The following EFNA2 variants were observed in gnomAD, a reference collection of about 807,000 sequenced individuals.
EFNA2 encodes the protein ephrin-A2.
EFNA2 carries 18 observed loss-of-function variants against 19.7 expected under a neutral mutation model. That is an observed-to-expected ratio of 0.91 (90% CI 0.63 to 1.35). EFNA2 has a LOEUF of 1.35. Ranked by LOEUF, EFNA2 falls within the 40% of genes most tolerant of loss-of-function variation. The pLI, the probability that EFNA2 is intolerant of heterozygous loss-of-function variation, is 0.00. For missense variants in EFNA2, 303 were observed against 296.0 expected (o/e 1.02, Z -0.17); for synonymous variants, 187 against 137.8 (o/e 1.36, Z -2.50).
rs1217624498 is a variant in EFNA2 at position 1,286,182 on chromosome 19, A to G, written c.14A>G (p.Gln5Arg). The change falls in exon 1 of 4, where the codon CAG (glutamine) becomes CGG (arginine). Residue 5 changes from glutamine (Q) to arginine (R), a missense_variant. Transcript: ENST00000215368. This position sits in a 1 kb window ranked among gnomAD's most constrained non-coding sequence, Gnocchi z 5.6. MAPA[Q>R]RPLLPLLLLL... ...CGGACCGGGGCCATGGCGCCCGCGC[A>G]GCGCCCGCTGCTCCCGCTGCTGCTC... The G allele has an allele frequency of 3.0e-6, 3 of 1,016,592 alleles. No homozygotes were observed. Among genetic ancestry groups the G allele is most frequent in the Non-Finnish European group, 3.5e-6 (3 of 850,100 alleles). The allele number at this position is 1,016,592 out of a possible 1,614,324, so 63.0% of individuals were successfully genotyped here.
rs1484570055 is a variant in EFNA2, at chr19:1,286,738, G to A, written c.140+430G>A. Among the ~76,000 whole-genome samples, 1 of 152,202 alleles carries A rather than the reference G, an allele frequency of 6.6e-6. No individual in the cohort carries two copies. The highest frequency in any genetic ancestry group is 2.4e-5 in the African/African-American group (1 of 41,452). ...CCGGGGACCTTGGCACCGGAGGTGG[G>A]GGACTGTGGCCCTCGAGGGATCTCT... On this transcript the variant is annotated intron_variant, in intron 1 of 3. Coordinates refer to ENST00000215368, the MANE Select transcript of EFNA2 (RefSeq NM_001405.4). The surrounding 1 kb of genome is among the most constrained non-coding windows in gnomAD (Gnocchi z 5.6).
At chr19:1,291,024 G>C (rs1257615614) in intron 1 of EFNA2, among the ~76,000 whole-genome samples, 3 of 152,142 alleles carry the variant, frequency 2.0e-5, no homozygotes, top group Non-Finnish European at 4.4e-5. Context: ...TGGGTCAGGG[G>C]CCCCCAATTC....
chr19:1,295,646 C>T lies in EFNA2; in HGVS notation c.242C>T (p.Pro81Leu). The change falls in exon 2 of 4, where the codon CCG becomes CTG. Residue 81 changes from proline (P) to leucine (L), a missense_variant. By Grantham distance (98) the Pro-to-Leu change is moderately conservative. Coordinates refer to ENST00000215368, the MANE Select transcript of EFNA2 (RefSeq NM_001405.4). This position sits in a 1 kb window ranked among gnomAD's most constrained non-coding sequence, Gnocchi z 5.8. ...IYCPHYGAPL[P>L]PAERMEHYVL... ...TGCCCGCACTATGGGGCGCCGCTGC[C>T]GCCGGCCGAGCGCATGGAGCACTAC... 6.2e-7 allele frequency: 1 copy of T among 1,611,702 alleles called. No individual in the cohort carries two copies. Among genetic ancestry groups the T allele is most frequent in the Non-Finnish European group, 8.5e-7 (1 of 1,179,438 alleles).
chr19:1,284,843 C>T (rs909599098), upstream of EFNA2, among the ~76,000 whole-genome samples: 1 of 152,224 alleles, frequency 6.6e-6, no homozygotes, highest in Non-Finnish European at 1.5e-5. The surrounding 1 kb of genome is among the most constrained non-coding windows in gnomAD (Gnocchi z 5.3). Flanking sequence ...AATTCAGAGA[C>T]GTACAACACG....
rs984466866 is a variant in EFNA2, at chr19:1,295,953, G to A, written c.454+95G>A. ...GGCGGGACCACTGGGGTGGGGCCGGGGAGTGGGCGGGGCAGCGCAGTGGGC... is the reference window on the plus strand; with the variant it reads ...GGCGGGACCACTGGGGTGGGGCCGGAGAGTGGGCGGGGCAGCGCAGTGGGC... On this transcript the variant is annotated intron_variant, in intron 2 of 3. Coordinates refer to ENST00000215368, the MANE Select transcript of EFNA2 (RefSeq NM_001405.4). The surrounding 1 kb of genome is among the most constrained non-coding windows in gnomAD (Gnocchi z 5.8). The A allele has an allele frequency of 1.0e-5, 13 of 1,259,626 alleles. No individual in the cohort carries two copies. The highest frequency in any genetic ancestry group is 1.7e-5 in the South Asian group (1 of 58,572). The allele number at this position is 1,259,626 out of a possible 1,614,324, so 78.0% of individuals were successfully genotyped here.
At position 1,294,311 on chromosome 19, in the gene EFNA2, C is replaced by T. The variant is rs1435160806; in HGVS notation, c.141-1234C>T. Among the ~76,000 whole-genome samples, 1 of 152,200 alleles carries T rather than the reference C, an allele frequency of 6.6e-6. No homozygotes were observed. Among genetic ancestry groups the T allele is most frequent in the Non-Finnish European group, 1.5e-5 (1 of 68,034 alleles). ...TCTAAGGGCTCCTGCCGCCATCGCC[C>T]GAGGCAGTGAGGGAAGGGGAGCCGC... On this transcript the variant is annotated intron_variant, in intron 1 of 3. Transcript: ENST00000215368. The surrounding 1 kb of genome is among the most constrained non-coding windows in gnomAD (Gnocchi z 5.8).
At chr19:1,298,672 C>T in intron 3 of EFNA2, 56 bp downstream of exon 3, 1 of 1,591,088 alleles carries the variant, frequency 6.3e-7, no homozygotes, top group South Asian at 1.1e-5. Context: ...GTCCTAAACC[C>T]ACAGAACCAG....
Position 1,299,995 on chromosome 19 carries a change from G to A in EFNA2, c.*50G>A, listed in dbSNP as rs779214933. The stretch of plus-strand genomic sequence containing the variant: ...CTGCCTGGACGGCCCCGCCTGGACC[G>A]CCTGACCTCGGCCCTCCGGACCCGG... On this transcript the variant is annotated 3_prime_UTR_variant, in exon 4 of 4. Coordinates refer to ENST00000215368, the MANE Select transcript of EFNA2 (RefSeq NM_001405.4). 5.2e-6 allele frequency: 8 copies of A among 1,551,942 alleles called. No homozygotes were observed. In the Admixed American group the frequency reaches 7.4e-5, roughly 14 times the overall value.
intron 3 of EFNA2, 53 bp from the exon 4 acceptor site, chr19:1,299,771 G>A: frequency 2.6e-6 from 4 of 1,545,456 alleles, no homozygotes; most frequent in South Asian, 2.4e-5. Context: ...GGCACGTGGG[G>A]AGCCCAGTGG....
Position 1,286,257 on chromosome 19 carries a change from C to A in EFNA2, c.89C>A (p.Ala30Asp). Residue 30 changes from alanine (A) to aspartate (D), a missense_variant, in exon 1 of 4, where the codon GCC (alanine) becomes GAC (aspartate). By Grantham distance (126) the Ala-to-Asp change is moderately radical (BLOSUM62 -2). Transcript: ENST00000215368. The surrounding 1 kb of genome is among the most constrained non-coding windows in gnomAD (Gnocchi z 5.6). ...CCCTTCGCGCGCGCCGAGGACGCCG[C>A]CCGCGCCAACTCGGACCGCTACGCC... ...PPPFARAEDAARANSDRYAVY... is the reference protein window; with the variant it reads ...PPPFARAEDADRANSDRYAVY... 8.9e-7 allele frequency: 1 copy of A among 1,127,990 alleles called. No individual in the cohort carries two copies. Among genetic ancestry groups the A allele is most frequent in the Middle Eastern group, 4.0e-4 (1 of 2,512 alleles). The allele number at this position is 1,127,990 out of a possible 1,614,324, so 69.9% of individuals were successfully genotyped here. A position where few individuals can be genotyped will look rare whatever the true frequency, so the allele number is the denominator to read the frequency against.
chr19:1,284,382 A>T (rs574577562), upstream of EFNA2, among the ~76,000 whole-genome samples: 5 of 152,198 alleles, frequency 3.3e-5, no homozygotes, highest in African/African-American at 1.2e-4. The surrounding 1 kb of genome is among the most constrained non-coding windows in gnomAD (Gnocchi z 5.3). Context: ...GGGTCAGGGG[A>T]TGAGACCTGG....
At chr19:1,298,814 T>C (rs2144625563) in intron 3 of EFNA2, among the ~76,000 whole-genome samples, 198 bp downstream of exon 3, 1 of 152,350 alleles carries the variant, frequency 6.6e-6, no homozygotes, top group Admixed American at 6.5e-5. Flanking sequence ...GCGCAGTGGC[T>C]CACGCCTATA....
upstream of EFNA2, among the ~76,000 whole-genome samples, chr19:1,284,596 G>A (rs561140673): frequency 5.9e-5 from 9 of 152,350 alleles, no homozygotes; most frequent in African/African-American, 2.2e-4. This position sits in a 1 kb window ranked among gnomAD's most constrained non-coding sequence, Gnocchi z 5.3. Context: ...GGGGAATCGG[G>A]GGAGGAGGGC....
At position 1,288,659 on chromosome 19, in the gene EFNA2, T is replaced by TG. The variant is rs145750752; in HGVS notation, c.140+2352dup. Among the ~76,000 whole-genome samples, 862 of 152,172 alleles carry TG rather than the reference T, an allele frequency of 5.7e-3. 12 individuals carry two copies. Among genetic ancestry groups the TG allele is most frequent in the African/African-American group, 0.02 (821 of 41,482 alleles). ...CCCTTCCGCCCATTGGCCTGGCACC[T>TG]GTGCCCAGGCGATGACTGTGTGGTC... On this transcript the variant is annotated intron_variant, in intron 1 of 3. Transcript: ENST00000215368.
At chr19:1,284,720 A>G (rs1334109517), upstream of EFNA2, among the ~76,000 whole-genome samples, 1 of 152,216 alleles carries the variant, frequency 6.6e-6, no homozygotes, top group African/African-American at 2.4e-5. The surrounding 1 kb of genome is among the most constrained non-coding windows in gnomAD (Gnocchi z 5.3). Flanking sequence ...CTCTGGGTTC[A>G]CGGTCCCTGC....
intron 1 of EFNA2, among the ~76,000 whole-genome samples, chr19:1,291,744 G>A (rs1196353867): frequency 6.6e-6 from 1 of 152,288 alleles, no homozygotes; most frequent in East Asian, 1.9e-4. Context: ...CTAATTAGTC[G>A]CTTAGCTATT....
intron 3 of EFNA2, among the ~76,000 whole-genome samples, chr19:1,299,253 T>A (rs893033936): frequency 2.0e-5 from 3 of 148,906 alleles, no homozygotes; most frequent in Admixed American, 6.7e-5. Flanking sequence ...TAAAATAAAA[T>A]AAAAATAAAA....
At chr19:1,285,621 A>G (rs938267997), upstream of EFNA2, among the ~76,000 whole-genome samples, 3 of 151,724 alleles carry the variant, frequency 2.0e-5, no homozygotes, top group African/African-American at 7.3e-5. This position sits in a 1 kb window ranked among gnomAD's most constrained non-coding sequence, Gnocchi z 4.1. Context: ...GGCCGGGTGG[A>G]GCGCGTGGGG....
At position 1,295,510 on chromosome 19, in the gene EFNA2, C is replaced by T. The variant is rs1376582206; in HGVS notation, c.141-35C>T. The T allele has an allele frequency of 6.6e-7, 1 of 1,514,392 alleles. No homozygotes were observed. Among genetic ancestry groups the T allele is most frequent in the East Asian group, 2.5e-5 (1 of 39,880 alleles). The allele number at this position is 1,514,392 out of a possible 1,614,324, so 93.8% of individuals were successfully genotyped here. ...CCCGACCCGTGCCCCGTTCCTCGCT[C>T]CGGGCGCTGACCTCTGGCCGCCTTG... On this transcript the variant is annotated intron_variant, in intron 1 of 3. Transcript: ENST00000215368. This position sits in a 1 kb window ranked among gnomAD's most constrained non-coding sequence, Gnocchi z 5.8.
Sources: allele counts gnomAD v4.1 joint callset (sites outside exome capture counted in the v4.1 genomes callset), GRCh38; gene constraint gnomAD v4.1.1; non-coding constraint Gnocchi (gnomAD v3.1); transcripts MANE v1.5; gene names NCBI Gene and HGNC (gene_info 2026-07-23, HGNC 2026-07-21).